Variants in NRG1 observed in about 807,000 individuals in gnomAD.
The protein encoded by NRG1 is neuregulin 1.
Under a neutral mutation model 63.8 loss-of-function variants are expected in NRG1, and 18 were observed. The observed-to-expected ratio is 0.28, with a 90% confidence interval of 0.19 to 0.42. NRG1 has a LOEUF of 0.42. Ranked by LOEUF, NRG1 falls within the 10% of genes least tolerant of loss-of-function variation. The pLI, the probability that NRG1 is intolerant of heterozygous loss-of-function variation, is 1.00. For missense variants in NRG1, 762 were observed against 814.7 expected, an observed-to-expected ratio of 0.94 and a Z score of 0.79; for synonymous variants, 302 against 301.3, an observed-to-expected ratio of 1.00 and a Z score of -0.02.
intron 1 of NRG1, among the ~76,000 whole-genome samples, chr8:32,367,805 T>A (rs1019132381): frequency 1.3e-5 from 2 of 152,198 alleles, no homozygotes; most frequent in African/African-American, 4.8e-5. Flanking sequence ...TAGTTTCAGG[T>A]CCTAAATTTA....
chr8:32,181,647 G>T (rs544464638), intron 1 of NRG1, among the ~76,000 whole-genome samples: 1 of 152,294 alleles, frequency 6.6e-6, no homozygotes, highest in Non-Finnish European at 1.5e-5. Context: ...TGTCTTCTTG[G>T]CATAGTCTTA....
At chr8:32,763,415 A>G in intron 11 of NRG1, 6 of 1,572,442 alleles carry the variant, frequency 3.8e-6, no homozygotes, top group Non-Finnish European at 5.2e-6. Flanking sequence ...CTTGGTCCTT[A>G]TATAAGCTGA....
At chr8:32,529,980 C>G (rs541242888) in intron 1 of NRG1, among the ~76,000 whole-genome samples, 1 of 152,170 alleles carries the variant, frequency 6.6e-6, no homozygotes, top group Non-Finnish European at 1.5e-5. Flanking sequence ...CATAATTGCA[C>G]GGACTAGCCC....
intron 1 of NRG1, among the ~76,000 whole-genome samples, chr8:32,240,785 TA>T (rs199623436): frequency 1.3e-5 from 2 of 152,080 alleles, no homozygotes; most frequent in Non-Finnish European, 1.5e-5. Context: ...TATTTCAAGA[TA>T]AAAAAAGTTT....
At position 32,171,180 on chromosome 8, in the gene NRG1, G is replaced by A. The variant is rs531345425; in HGVS notation, c.38-424648G>A. Among the ~76,000 whole-genome samples the A allele has an allele frequency of 1.5e-3, 229 of 152,250 alleles. 1 individual carries two copies. Among genetic ancestry groups the A allele is most frequent in the African/African-American group, 5.3e-3 (222 of 41,550 alleles). The stretch of plus-strand genomic sequence containing the variant: ...TTGCTTTTTAGGAAGAAAAAAACAT[G>A]AATATCTTATAACACTATTTTTTAA... On this transcript the variant is annotated intron_variant, in intron 1 of 10. Transcript: ENST00000519301.
intron 1 of NRG1, among the ~76,000 whole-genome samples, chr8:32,202,513 T>C (rs575872327): frequency 1.3e-5 from 2 of 152,218 alleles, no homozygotes; most frequent in Admixed American, 1.3e-4. Context: ...CAGTGAAAAG[T>C]CAGTGTGACA....
intron 1 of NRG1, among the ~76,000 whole-genome samples, chr8:32,117,865 A>C (rs1275532255): frequency 6.6e-6 from 1 of 152,124 alleles, no homozygotes; most frequent in African/African-American, 2.4e-5. Flanking sequence ...CCGGAAAAAA[A>C]GTGCCATGGT....
intron 1 of NRG1, among the ~76,000 whole-genome samples, chr8:32,510,561 A>C (rs992193397): frequency 6.6e-5 from 10 of 152,084 alleles, no homozygotes; most frequent in Non-Finnish European, 1.0e-4. Flanking sequence ...ATGGAACATC[A>C]CCTCTATTCC....
At chr8:32,590,562 T>C (rs1296686745) in intron 1 of NRG1, among the ~76,000 whole-genome samples, 1 of 152,184 alleles carries the variant, frequency 6.6e-6, no homozygotes, top group Non-Finnish European at 1.5e-5. Flanking sequence ...AAAATTCGAG[T>C]ACTTACTTAA....
intron 1 of NRG1, among the ~76,000 whole-genome samples, chr8:31,911,526 C>A (rs181120858): frequency 6.6e-6 from 1 of 151,958 alleles, no homozygotes; most frequent in Admixed American, 6.6e-5. Flanking sequence ...TAAGTGGGAG[C>A]GAAATGATGA....
chr8:32,208,270 C>T (rs1844285945), intron 1 of NRG1, among the ~76,000 whole-genome samples: 1 of 150,932 alleles, frequency 6.6e-6, no homozygotes, highest in Non-Finnish European at 1.5e-5. Flanking sequence ...GCTGGTGGGA[C>T]TATGAAGTGT....
intron 1 of NRG1, among the ~76,000 whole-genome samples, chr8:31,927,999 A>AT (rs1350486460): frequency 6.6e-6 from 1 of 150,760 alleles, no homozygotes; most frequent in African/African-American, 2.4e-5. Context: ...TATATTTAAA[A>AT]AAAAAAAAAA....
intron 1 of NRG1, among the ~76,000 whole-genome samples, chr8:32,072,284 A>T (rs915565595): frequency 7.2e-6 from 1 of 138,634 alleles, no homozygotes; most frequent in Non-Finnish European, 1.6e-5. Context: ...CTTGTGATTG[A>T]AAAAAAAAAA....
chr8:32,158,668 A>G (rs1377582314), intron 1 of NRG1, among the ~76,000 whole-genome samples: 3 of 151,600 alleles, frequency 2.0e-5, no homozygotes, highest in Non-Finnish European at 4.4e-5. Context: ...GGATCTTCAT[A>G]GAGAGTAAGT....
At chr8:31,855,578 T>C (rs1387889342) in intron 1 of NRG1, among the ~76,000 whole-genome samples, 1 of 152,254 alleles carries the variant, frequency 6.6e-6, no homozygotes, top group Non-Finnish European at 1.5e-5. Context: ...TTTGCCAGTC[T>C]GTGTCTTTTA....
intron 1 of NRG1, among the ~76,000 whole-genome samples, chr8:31,817,223 C>A (rs146126312): frequency 6.6e-6 from 1 of 152,196 alleles, no homozygotes; most frequent in Admixed American, 6.5e-5. Context: ...AGAATGTTCT[C>A]GCTAATTTGA....
intron 1 of NRG1, among the ~76,000 whole-genome samples, chr8:32,535,972 T>C (rs574232821): frequency 5.9e-5 from 9 of 152,328 alleles, no homozygotes; most frequent in African/African-American, 2.2e-4. Context: ...TTTATCATTT[T>C]TCTCCTTGAG....
chr8:32,616,989 G>T, intron 5 of NRG1, 104 bp downstream of exon 5: 1 of 862,900 alleles, frequency 1.2e-6, no homozygotes, highest in Non-Finnish European at 1.9e-6. Flanking sequence ...AAGGGTCAGA[G>T]TATTGAGTTT....
chr8:31,891,845 T>C (rs888715261), intron 1 of NRG1, among the ~76,000 whole-genome samples: 3 of 152,176 alleles, frequency 2.0e-5, no homozygotes, highest in Non-Finnish European at 4.4e-5. Context: ...GAAAGTTACA[T>C]GCAACAGCCT....
Sources: allele counts gnomAD v4.1 joint callset (sites outside exome capture counted in the v4.1 genomes callset), GRCh38; gene constraint gnomAD v4.1.1; transcripts MANE v1.5; gene names NCBI Gene and HGNC (gene_info 2026-07-23, HGNC 2026-07-21).